Variants in RALGAPA2 observed in about 807,000 individuals in gnomAD.
RALGAPA2 encodes the protein Ral GTPase activating protein catalytic subunit alpha 2, also known as ral GTPase-activating protein subunit alpha-2.
A neutral mutation model predicts 230.4 loss-of-function variants in RALGAPA2; 139 were observed. The observed-to-expected ratio is 0.60, with a 90% confidence interval of 0.53 to 0.69. RALGAPA2 has a LOEUF of 0.69. Among genes scored for constraint, RALGAPA2 ranks in the 30% least tolerant of loss-of-function variants. RALGAPA2 has a pLI of 0.00. For synonymous variants in RALGAPA2, 847 were observed against 837.8 expected (o/e 1.01, Z -0.19); for missense variants, 2,163 against 2,276.0 (o/e 0.95, Z 1.01).
chr20:20,431,943 A>G (rs912330107), intron 37 of RALGAPA2, among the ~76,000 whole-genome samples: 1 of 152,244 alleles, frequency 6.6e-6, no homozygotes, highest in Non-Finnish European at 1.5e-5. Flanking sequence ...GCTATCTTCA[A>G]TGAGAAACAT....
intron 24 of RALGAPA2, among the ~76,000 whole-genome samples, chr20:20,543,155 C>G (rs2063694378): frequency 6.6e-6 from 1 of 152,126 alleles, no homozygotes; most frequent in African/African-American, 2.4e-5. Context: ...AGCGATTCTC[C>G]TGCCTCAGCC....
At position 20,601,842 on chromosome 20, in the gene RALGAPA2, A is replaced by G. The variant is rs2065664275; in HGVS notation, c.2043T>C (p.Cys681=). ...QKEKKQRGKG[C]VLDPQKGTTV... is the part of the protein sequence containing the mutation. ...TGGTTCCTTTCTGAGGATCTAGAAC[A>G]CAGCCTGATAAAGGAAAAGAAAAAT... Residue 681 remains cysteine (C), a synonymous_variant, in exon 16 of 40, where the codon TGT becomes TGC. Coordinates refer to ENST00000202677, the MANE Select transcript of RALGAPA2 (RefSeq NM_020343.4). The G allele has an allele frequency of 6.3e-7, 1 of 1,588,216 alleles. No individual in the cohort carries two copies. Among genetic ancestry groups the G allele is most frequent in the Non-Finnish European group, 8.6e-7 (1 of 1,169,382 alleles).
chr20:20,500,626 A>G (rs933455151), intron 35 of RALGAPA2, among the ~76,000 whole-genome samples: 8 of 152,194 alleles, frequency 5.3e-5, no homozygotes, highest in Non-Finnish European at 7.3e-5. Flanking sequence ...AAAGTCATCC[A>G]TGAGGGTGGG....
At chr20:20,543,180 G>A (rs1246862640) in intron 24 of RALGAPA2, among the ~76,000 whole-genome samples, 1 of 152,052 alleles carries the variant, frequency 6.6e-6, no homozygotes, top group Non-Finnish European at 1.5e-5. Flanking sequence ...GAGTAGCTGG[G>A]ACTACAGGCA....
intron 14 of RALGAPA2, among the ~76,000 whole-genome samples, chr20:20,607,320 TTG>T (rs1239351673): frequency 1.3e-5 from 2 of 152,228 alleles, no homozygotes; most frequent in Non-Finnish European, 2.9e-5. Context: ...CTGTTTCAAT[TTG>T]TGTTTACCAC....
chr20:20,550,610 C>T (rs938914621), intron 23 of RALGAPA2, among the ~76,000 whole-genome samples: 15 of 152,274 alleles, frequency 9.9e-5, no homozygotes, highest in African/African-American at 2.9e-4. Flanking sequence ...GAGAAACGGC[C>T]CTGCACTCTG....
At chr20:20,432,007 A>G (rs1015089194) in intron 37 of RALGAPA2, among the ~76,000 whole-genome samples, 3 of 152,210 alleles carry the variant, frequency 2.0e-5, no homozygotes, top group Non-Finnish European at 4.4e-5. Flanking sequence ...GTTATACATC[A>G]GTTAACTTGT....
chr20:20,545,474 T>A (rs2063755156), intron 24 of RALGAPA2, among the ~76,000 whole-genome samples: 1 of 152,200 alleles, frequency 6.6e-6, no homozygotes, highest in African/African-American at 2.4e-5. Flanking sequence ...AGCGCCAACA[T>A]GAAATACCAG....
intron 1 of RALGAPA2, among the ~76,000 whole-genome samples, chr20:20,707,726 G>T (rs1219452890): frequency 6.6e-6 from 1 of 152,026 alleles, no homozygotes; most frequent in Non-Finnish European, 1.5e-5. Context: ...ACCTGAGTCT[G>T]GCTTCTGATC....
intron 24 of RALGAPA2, among the ~76,000 whole-genome samples, chr20:20,543,124 A>G (rs1422660282): frequency 2.6e-5 from 4 of 152,046 alleles, no homozygotes; most frequent in African/African-American, 9.7e-5. Flanking sequence ...GACTTGCTGC[A>G]ATCTCCGCCT....
chr20:20,623,231 A>C (rs2066376355), intron 10 of RALGAPA2, among the ~76,000 whole-genome samples: 1 of 152,304 alleles, frequency 6.6e-6, no homozygotes, highest in South Asian at 2.1e-4. Flanking sequence ...ATTTATAAGA[A>C]GACATCCAAA....
rs2061344834 is a variant in RALGAPA2 at position 20,463,282 on chromosome 20, C to T, written c.5495+9547G>A. On this transcript the variant is annotated intron_variant, in intron 37 of 39. Transcript: ENST00000202677. ...ACTATTTAAGAGAGAACAAAATAAACCTGAAATAAAAGTCTTCTTCCAAAA... is the reference window on the plus strand; with the variant it reads ...ACTATTTAAGAGAGAACAAAATAAATCTGAAATAAAAGTCTTCTTCCAAAA... Among the ~76,000 whole-genome samples the T allele has an allele frequency of 2.6e-5, 4 of 151,672 alleles. No homozygotes were observed. In the South Asian group the frequency reaches 8.3e-4, roughly 32 times the overall value.
intron 26 of RALGAPA2, 139 bp downstream of exon 26, chr20:20,535,606 G>A: frequency 8.0e-7 from 1 of 1,257,198 alleles, no homozygotes; most frequent in African/African-American, 1.5e-5. Flanking sequence ...GCATCTTCCT[G>A]GCATCATTCT....
intron 3 of RALGAPA2, among the ~76,000 whole-genome samples, chr20:20,657,861 T>A (rs1327632130): frequency 6.6e-6 from 1 of 152,242 alleles, no homozygotes; most frequent in Non-Finnish European, 1.5e-5. Flanking sequence ...ATGCTTGACA[T>A]ACCCACTGTT....
Position 20,533,376 on chromosome 20 carries a change from TA to T in RALGAPA2, c.3474-1582del, listed in dbSNP as rs368625605. 8.2e-4 allele frequency among the ~76,000 whole-genome samples: 124 copies of T among 151,298 alleles called. No homozygotes were observed. The South Asian group carries it at 0.015, about 18-fold the overall frequency. On this transcript the variant is annotated intron_variant, in intron 26 of 39. Transcript: ENST00000202677. ...TTAACTAAACCAGTGGTCTTTAAGATAAAAAAAAATCCTCCTTAGAAATAAA... is the reference window on the plus strand; with the variant it reads ...TTAACTAAACCAGTGGTCTTTAAGATAAAAAAAATCCTCCTTAGAAATAAA...
At chr20:20,709,454 G>C (rs987642933) in intron 1 of RALGAPA2, among the ~76,000 whole-genome samples, 2 of 152,134 alleles carry the variant, frequency 1.3e-5, no homozygotes, top group African/African-American at 4.8e-5. Context: ...TCAAACTACT[G>C]TACTCCAACG....
chr20:20,689,197 T>C (rs1433540379), intron 1 of RALGAPA2, among the ~76,000 whole-genome samples: 1 of 152,250 alleles, frequency 6.6e-6, no homozygotes, highest in Non-Finnish European at 1.5e-5. Flanking sequence ...AATTTAATTA[T>C]ATTCTTTTAC....
intron 35 of RALGAPA2, among the ~76,000 whole-genome samples, chr20:20,501,019 G>A (rs2062358242): frequency 1.3e-5 from 2 of 152,202 alleles, no homozygotes; most frequent in South Asian, 4.1e-4. Flanking sequence ...AGTAAGCCAT[G>A]CTCTAAACAG....
chr20:20,524,188 C>T (rs928167855), intron 30 of RALGAPA2, among the ~76,000 whole-genome samples: 1 of 152,190 alleles, frequency 6.6e-6, no homozygotes, highest in Non-Finnish European at 1.5e-5. Context: ...AATCTCCTGA[C>T]CTTGTGATCT....
Sources: allele counts gnomAD v4.1 joint callset (sites outside exome capture counted in the v4.1 genomes callset), GRCh38; gene constraint gnomAD v4.1.1; transcripts MANE v1.5; gene names NCBI Gene and HGNC (gene_info 2026-07-23, HGNC 2026-07-21).